YWHAH: variants seen among roughly 807,000 people sequenced by gnomAD.
YWHAH encodes the protein tyrosine 3-monooxygenase/tryptophan 5-monooxygenase activation protein eta, also known as 14-3-3 protein eta.
A neutral mutation model predicts 22.9 loss-of-function variants in YWHAH; 6 were observed. That is an observed-to-expected ratio of 0.26 (90% CI 0.14 to 0.52). YWHAH has a LOEUF of 0.52. Ranked by LOEUF, YWHAH falls within the 20% of genes least tolerant of loss-of-function variation. The pLI is 0.97. For synonymous variants in YWHAH, 135 were observed against 124.5 expected, an observed-to-expected ratio of 1.08 and a Z score of -0.56; for missense variants, 173 against 308.6, an observed-to-expected ratio of 0.56 and a Z score of 3.29.
intron 1 of YWHAH, chr22:31,945,026 C>T (rs1411166373): frequency 1.8e-6 from 2 of 1,110,728 alleles, no homozygotes; most frequent in South Asian, 4.3e-5. Context: ...GTGGGGGATC[C>T]GGGAGGGTGC....
rs1275052743 is a variant in YWHAH at position 31,945,146 on chromosome 22, A to G, written c.87+326A>G. 3.7e-6 allele frequency: 4 copies of G among 1,085,198 alleles called. No individual in the cohort carries two copies. The African/African-American group carries it at 5.0e-5, about 14-fold the overall frequency. The allele number at this position is 1,085,198 out of a possible 1,614,324, so 67.2% of individuals were successfully genotyped here. On this transcript the variant is annotated intron_variant, in intron 1 of 1. Coordinates refer to ENST00000248975, the MANE Select transcript of YWHAH (RefSeq NM_003405.4). Reference sequence around the variant, plus strand: ...GAGGGTGCCCTAGGGGACGCGAAGGAGCCGCATTTCTCCTAGAGCGTTTCA... The same window carrying G: ...GAGGGTGCCCTAGGGGACGCGAAGGGGCCGCATTTCTCCTAGAGCGTTTCA...
intron 1 of YWHAH, among the ~76,000 whole-genome samples, chr22:31,954,670 T>G (rs1317567221): frequency 1.3e-5 from 2 of 152,204 alleles, no homozygotes; most frequent in Non-Finnish European, 2.9e-5. Context: ...TTCTGGTGGC[T>G]TCTGGCAACC....
intron 1 of YWHAH, among the ~76,000 whole-genome samples, chr22:31,955,530 A>T (rs146392715): frequency 6.7e-6 from 1 of 149,608 alleles, no homozygotes; most frequent in Non-Finnish European, 1.5e-5. Flanking sequence ...GCTCACTGCA[A>T]CCTCCGGGTT....
At chr22:31,951,563 T>G (rs1286105797) in intron 1 of YWHAH, among the ~76,000 whole-genome samples, 2 of 152,200 alleles carry the variant, frequency 1.3e-5, no homozygotes, top group African/African-American at 4.8e-5. Flanking sequence ...CCTGTACTGT[T>G]TTTGGCAGTG....
chr22:31,956,489 G>A lies in YWHAH; in HGVS notation c.438G>A (p.Val146=). The change falls in exon 2 of 2, where the codon GTG becomes GTA. Residue 146 remains valine (V), a synonymous_variant. Coordinates refer to ENST00000248975, the MANE Select transcript of YWHAH (RefSeq NM_003405.4). This position sits in a 1 kb window ranked among gnomAD's most constrained non-coding sequence, Gnocchi z 5.1. ...EVASGEKKNS[V]VEASEAAYKE... Reference sequence around the variant, plus strand: ...CTTCTGGGGAGAAGAAAAACAGTGTGGTCGAAGCTTCTGAAGCTGCCTACA... The same window carrying A: ...CTTCTGGGGAGAAGAAAAACAGTGTAGTCGAAGCTTCTGAAGCTGCCTACA... 5.0e-6 allele frequency: 8 copies of A among 1,614,146 alleles called. No individual in the cohort carries two copies. In the Middle Eastern group the frequency reaches 6.6e-4, roughly 133 times the overall value.
intron 1 of YWHAH, 177 bp downstream of exon 1, chr22:31,944,997 TC>T (rs978239098): frequency 6.3e-5 from 70 of 1,117,172 alleles, no homozygotes; most frequent in Non-Finnish European, 7.0e-5. Context: ...CCCCGCCACT[TC>T]CTGAGGCTGG....
At chr22:31,949,890 T>C (rs1253687992) in intron 1 of YWHAH, among the ~76,000 whole-genome samples, 1 of 152,154 alleles carries the variant, frequency 6.6e-6, no homozygotes, top group Non-Finnish European at 1.5e-5. Context: ...CACTGGTGAC[T>C]GAAATCCAAG....
chr22:31,948,293 A>G (rs1324784956), intron 1 of YWHAH, among the ~76,000 whole-genome samples: 2 of 152,206 alleles, frequency 1.3e-5, no homozygotes, highest in Non-Finnish European at 2.9e-5. Context: ...GAAGTGGGGA[A>G]ATGAGCAGGT....
At chr22:31,949,738 C>T (rs112689445) in intron 1 of YWHAH, among the ~76,000 whole-genome samples, 5 of 152,190 alleles carry the variant, frequency 3.3e-5, no homozygotes, top group Admixed American at 6.5e-5. Context: ...TTGATTTTCT[C>T]ATGGTCAAAC....
rs1464931122 is a variant in YWHAH, at chr22:31,944,596, C to T, written c.-138C>T. The T allele has an allele frequency of 1.1e-5, 6 of 523,144 alleles. No individual in the cohort carries two copies. Among genetic ancestry groups the T allele is most frequent in the African/African-American group, 8.2e-5 (4 of 48,850 alleles). The allele number at this position is 523,144 out of a possible 1,614,324, so 32.4% of individuals were successfully genotyped here. ...GGCGGCGCTGCCTGCAGCCTGCAGCCTGCAGCCTCCGGCCGGCCGGCGAGC... is the reference window on the plus strand; with the variant it reads ...GGCGGCGCTGCCTGCAGCCTGCAGCTTGCAGCCTCCGGCCGGCCGGCGAGC... On this transcript the variant is annotated 5_prime_UTR_variant, in exon 1 of 2. Coordinates refer to ENST00000248975, the MANE Select transcript of YWHAH (RefSeq NM_003405.4).
chr22:31,944,649 G>C lies in YWHAH; in HGVS notation c.-85G>C. ...GTGCGCGTGCGCGGCGGCGGCCTCC[G>C]CAGCGACCGGGGAGCGGACTGACCG... On this transcript the variant is annotated 5_prime_UTR_variant, in exon 1 of 2. Transcript: ENST00000248975. 1 of 1,096,102 alleles carries C rather than the reference G, an allele frequency of 9.1e-7. No individual in the cohort carries two copies. The highest frequency in any genetic ancestry group is 1.1e-6 in the Non-Finnish European group (1 of 880,554). 67.9% of individuals were successfully genotyped at this position (1,096,102 alleles called of 1,614,324 possible). A position where few individuals can be genotyped will look rare whatever the true frequency, so the allele number is the denominator to read the frequency against.
chr22:31,949,235 G>C (rs1483335718), intron 1 of YWHAH, among the ~76,000 whole-genome samples: 1 of 147,612 alleles, frequency 6.8e-6, no homozygotes, highest in African/African-American at 2.6e-5. Flanking sequence ...TGCCTCCCGG[G>C]TTCAAGCAAT....
chr22:31,944,884 T>G, intron 1 of YWHAH, 64 bp downstream of exon 1: 1 of 1,207,862 alleles, frequency 8.3e-7, no homozygotes. Flanking sequence ...GGGACGGGGA[T>G]GGCCGCGGGC....
chr22:31,953,908 A>G (rs1447952002), intron 1 of YWHAH, among the ~76,000 whole-genome samples: 4 of 152,246 alleles, frequency 2.6e-5, no homozygotes, highest in African/African-American at 9.6e-5. Flanking sequence ...ATTAAGAGTG[A>G]GCTGGTATTT....
In YWHAH at chr22:31,956,547, C is replaced by G; in HGVS notation, c.496C>G (p.Gln166Glu). 1 of 1,614,204 alleles carries G rather than the reference C, an allele frequency of 6.2e-7. No homozygotes were observed. Among genetic ancestry groups the G allele is most frequent in the Non-Finnish European group, 8.5e-7 (1 of 1,180,038 alleles). ...CTTTGAAATCAGCAAAGAGCAGATG[C>G]AACCCACGCATCCCATCCGGCTGGG... ...EAFEISKEQM[Q>E]PTHPIRLGLA... Residue 166 changes from glutamine (Q) to glutamate (E), a missense_variant, in exon 2 of 2, where the codon CAA becomes GAA. Physicochemically the swap from Gln to Glu is conservative, Grantham distance 29. Coordinates refer to ENST00000248975, the MANE Select transcript of YWHAH (RefSeq NM_003405.4). The surrounding 1 kb of genome is among the most constrained non-coding windows in gnomAD (Gnocchi z 5.1).
chr22:31,945,868 G>T (rs1166423602), intron 1 of YWHAH, among the ~76,000 whole-genome samples: 4 of 152,098 alleles, frequency 2.6e-5, no homozygotes, highest in African/African-American at 9.7e-5. Context: ...TCTCACAGGC[G>T]ATTTTTAGCT....
At chr22:31,951,305 C>T (rs888836899) in intron 1 of YWHAH, among the ~76,000 whole-genome samples, 1 of 152,156 alleles carries the variant, frequency 6.6e-6, no homozygotes, top group African/African-American at 2.4e-5. Context: ...TTTACTTAAT[C>T]ATGAGAATCA....
chr22:31,951,307 T>C (rs2093843016), intron 1 of YWHAH, among the ~76,000 whole-genome samples: 1 of 152,188 alleles, frequency 6.6e-6, no homozygotes, highest in South Asian at 2.1e-4. Context: ...TACTTAATCA[T>C]GAGAATCATT....
At chr22:31,952,135 G>T (rs1453403201) in intron 1 of YWHAH, among the ~76,000 whole-genome samples, 1 of 152,226 alleles carries the variant, frequency 6.6e-6, no homozygotes, top group Non-Finnish European at 1.5e-5. Context: ...GTAAAATTCT[G>T]TCTTGTTGTT....
Sources: allele counts gnomAD v4.1 joint callset (sites outside exome capture counted in the v4.1 genomes callset), GRCh38; gene constraint gnomAD v4.1.1; non-coding constraint Gnocchi (gnomAD v3.1); transcripts MANE v1.5; gene names NCBI Gene and HGNC (gene_info 2026-07-23, HGNC 2026-07-21).